Variants in SLC9A9 observed in about 807,000 individuals in gnomAD.
The protein encoded by SLC9A9 is solute carrier family 9 member A9.
SLC9A9 carries 62 observed loss-of-function variants against 77.8 expected under a neutral mutation model. The observed-to-expected ratio is 0.80, with a 90% CI of 0.65 to 0.98. SLC9A9 has a LOEUF of 0.98. Ranked by LOEUF, SLC9A9 falls within the 50% of genes least tolerant of loss-of-function variation. The pLI is 0.00. For missense variants in SLC9A9, 775 were observed against 774.9 expected (o/e 1.00, Z 0.00); for synonymous variants, 320 against 283.5 (o/e 1.13, Z -1.29).
chr3:143,520,294 C>T (rs972686029), intron 9 of SLC9A9, among the ~76,000 whole-genome samples: 2 of 152,120 alleles, frequency 1.3e-5, no homozygotes, highest in African/African-American at 2.4e-5. Context: ...AGACAAAGCC[C>T]TTATTATGAG....
At chr3:143,730,412 T>G (rs1934769783) in intron 4 of SLC9A9, among the ~76,000 whole-genome samples, 1 of 152,238 alleles carries the variant, frequency 6.6e-6, no homozygotes, top group African/African-American at 2.4e-5. Flanking sequence ...CCTGCCTCTC[T>G]GCATGAATTT....
At chr3:143,516,310 T>A (rs1446511964) in intron 9 of SLC9A9, among the ~76,000 whole-genome samples, 1 of 152,132 alleles carries the variant, frequency 6.6e-6, no homozygotes, top group Non-Finnish European at 1.5e-5. Context: ...ACTTGGTTAA[T>A]CATCTTTATT....
chr3:143,292,046 G>T (rs1210146265), intron 14 of SLC9A9, among the ~76,000 whole-genome samples: 1 of 152,174 alleles, frequency 6.6e-6, no homozygotes, highest in Non-Finnish European at 1.5e-5. Context: ...GGCTTGTCCT[G>T]GTCTAACCTG....
At chr3:143,572,018 C>T (rs2037266158) in intron 8 of SLC9A9, among the ~76,000 whole-genome samples, 1 of 152,138 alleles carries the variant, frequency 6.6e-6, no homozygotes, top group Non-Finnish European at 1.5e-5. Flanking sequence ...GGTGAGTCTG[C>T]CCCTCGGTAC....
chr3:143,505,316 T>C (rs982034497), intron 9 of SLC9A9, among the ~76,000 whole-genome samples: 1 of 152,230 alleles, frequency 6.6e-6, no homozygotes, highest in Admixed American at 6.5e-5. Context: ...TTCAACCCAA[T>C]TTCTTCTTCA....
intron 14 of SLC9A9, among the ~76,000 whole-genome samples, chr3:143,328,985 T>C (rs1352615182): frequency 6.6e-6 from 1 of 152,224 alleles, no homozygotes; most frequent in East Asian, 1.9e-4. Context: ...TATTGCCTAC[T>C]GTGTGCCCTG....
chr3:143,545,408 T>A (rs2036770608), intron 9 of SLC9A9, among the ~76,000 whole-genome samples: 1 of 152,210 alleles, frequency 6.6e-6, no homozygotes, highest in Non-Finnish European at 1.5e-5. Context: ...CATATGTATG[T>A]TTGTGTGCAT....
At chr3:143,642,968 A>G (rs889119555) in intron 6 of SLC9A9, among the ~76,000 whole-genome samples, 2 of 151,552 alleles carry the variant, frequency 1.3e-5, no homozygotes, top group African/African-American at 4.9e-5. Context: ...AATCTTTCTC[A>G]TATTTTTGTA....
At position 143,848,428 on chromosome 3, in the gene SLC9A9, G is replaced by A. The variant is rs1294826026; in HGVS notation, c.-106C>T. ...GCCTGAGAATTTCAGAAGAAACACT[G>A]CCACTTTAGTTGCTACTTCACAAGC... On this transcript the variant is annotated 5_prime_UTR_variant, in exon 1 of 16. Coordinates refer to ENST00000316549, the MANE Select transcript of SLC9A9 (RefSeq NM_173653.4). The A allele has an allele frequency of 2.1e-6, 3 of 1,452,086 alleles. No homozygotes were observed. The highest frequency in any genetic ancestry group is 4.6e-5 in the East Asian group (2 of 43,554). 90.0% of individuals were successfully genotyped at this position (1,452,086 alleles called of 1,614,324 possible).
intron 12 of SLC9A9, among the ~76,000 whole-genome samples, chr3:143,447,117 C>T (rs886882940): frequency 1.3e-5 from 2 of 152,064 alleles, no homozygotes; most frequent in East Asian, 1.9e-4. Flanking sequence ...TGGAGGAAGC[C>T]GAAGTTATAA....
intron 4 of SLC9A9, among the ~76,000 whole-genome samples, chr3:143,741,160 A>G (rs1935063172): frequency 1.3e-5 from 2 of 152,220 alleles, no homozygotes; most frequent in South Asian, 2.1e-4. Context: ...CTCATTCTCC[A>G]GTAAAAGGAA....
chr3:143,708,573 C>A (rs1177831484), intron 4 of SLC9A9, among the ~76,000 whole-genome samples: 1 of 152,200 alleles, frequency 6.6e-6, no homozygotes, highest in Non-Finnish European at 1.5e-5. Context: ...CTTCTCTCAA[C>A]CTGTATCCCC....
At chr3:143,320,743 C>T (rs1407460970) in intron 14 of SLC9A9, among the ~76,000 whole-genome samples, 10 of 152,170 alleles carry the variant, frequency 6.6e-5, no homozygotes, top group Admixed American at 6.5e-4. Flanking sequence ...GAAAAACAAT[C>T]ATATGCCCCC....
At chr3:143,488,172 G>T (rs942714074) in intron 11 of SLC9A9, among the ~76,000 whole-genome samples, 1 of 151,776 alleles carries the variant, frequency 6.6e-6, no homozygotes, top group East Asian at 1.9e-4. Flanking sequence ...TACCTTCCTA[G>T]AAATACAAAG....
At chr3:143,714,319 G>A (rs1357906973) in intron 4 of SLC9A9, among the ~76,000 whole-genome samples, 1 of 152,122 alleles carries the variant, frequency 6.6e-6, no homozygotes, top group African/African-American at 2.4e-5. Flanking sequence ...TTATTCCAGT[G>A]TCTCTTTTCT....
chr3:143,555,404 T>A (rs562380572), intron 8 of SLC9A9, among the ~76,000 whole-genome samples: 11 of 152,220 alleles, frequency 7.2e-5, no homozygotes, highest in Non-Finnish European at 1.2e-4. Context: ...CAAAGCTCAT[T>A]GAAGACAGAG....
At chr3:143,319,763 G>C (rs918935536) in intron 14 of SLC9A9, among the ~76,000 whole-genome samples, 1 of 152,222 alleles carries the variant, frequency 6.6e-6, no homozygotes, top group African/African-American at 2.4e-5. Context: ...AAGCCAGTAA[G>C]GATGTCTGCT....
At position 143,730,211 on chromosome 3, in the gene SLC9A9, C is replaced by T. The variant is rs114920547; in HGVS notation, c.534-36904G>A. On this transcript the variant is annotated intron_variant, in intron 4 of 15. Coordinates refer to ENST00000316549, the MANE Select transcript of SLC9A9 (RefSeq NM_173653.4). ...CCCACTTGTTGGGCCCCTTTGAAAG[C>T]GTGGTATTTTGGGGACTTTGGCACG... Among the ~76,000 whole-genome samples the T allele has an allele frequency of 4.7e-3, 718 of 152,228 alleles. 3 individuals are homozygous for T. Among genetic ancestry groups the T allele is most frequent in the Non-Finnish European group, 8.2e-3 (555 of 67,996 alleles).
chr3:143,400,875 C>G (rs965119940), intron 12 of SLC9A9, among the ~76,000 whole-genome samples: 1 of 152,022 alleles, frequency 6.6e-6, no homozygotes, highest in Non-Finnish European at 1.5e-5. Context: ...TGTATGAGCC[C>G]GAGAGTGAGT....
Sources: allele counts gnomAD v4.1 joint callset (sites outside exome capture counted in the v4.1 genomes callset), GRCh38; gene constraint gnomAD v4.1.1; transcripts MANE v1.5; gene names NCBI Gene and HGNC (gene_info 2026-07-23, HGNC 2026-07-21).